Variants in PHF20L1 observed in about 807,000 individuals in gnomAD.
PHF20L1 encodes PHD finger protein 20-like protein 1.
In PHF20L1, 44 loss-of-function variants were observed where a neutral mutation model predicts 125.5. The ratio of observed to expected loss-of-function variants is 0.35; its 90% CI spans 0.28 to 0.45. The LOEUF is 0.45. PHF20L1 is among the 20% of genes least tolerant of loss of function. The pLI is 1.00. For synonymous variants in PHF20L1, 380 were observed against 403.1 expected (o/e 0.94, Z 0.69); for missense variants, 1,012 against 1,217.2 (o/e 0.83, Z 2.51).
intron 15 of PHF20L1, among the ~76,000 whole-genome samples, chr8:132,834,106 G>A (rs576181069): frequency 1.2e-4 from 18 of 152,214 alleles, no homozygotes; most frequent in African/African-American, 4.1e-4. Context: ...CTATTCAAGC[G>A]TAAGGGGGAA....
At chr8:132,815,529 G>T (rs1834876910) in intron 10 of PHF20L1, 1 of 151,762 alleles carries the variant, frequency 6.6e-6, no homozygotes, top group Admixed American at 6.6e-5. Flanking sequence ...TATTAGTTTA[G>T]TATCCTAAGT....
chr8:132,811,806 A>G (rs577831210), intron 9 of PHF20L1: 165 of 984,988 alleles, frequency 1.7e-4, no homozygotes, highest in Non-Finnish European at 1.8e-4. Flanking sequence ...ATAAGAACGC[A>G]GTAATAGCCA....
At chr8:132,837,455 G>C (rs1458479449) in intron 16 of PHF20L1, among the ~76,000 whole-genome samples, 1 of 152,058 alleles carries the variant, frequency 6.6e-6, no homozygotes. Flanking sequence ...AATTAAATTA[G>C]AGAAATTATG....
At chr8:132,813,373 G>A (rs1033707837) in intron 9 of PHF20L1, among the ~76,000 whole-genome samples, 10 of 151,914 alleles carry the variant, frequency 6.6e-5, no homozygotes, top group Non-Finnish European at 1.3e-4. Context: ...CTTTTATGTG[G>A]TATGTCCAAC....
intron 9 of PHF20L1, among the ~76,000 whole-genome samples, 166 bp from the exon 10 acceptor site, chr8:132,814,471 G>A (rs1290370610): frequency 6.6e-6 from 1 of 151,868 alleles, no homozygotes. Context: ...TCAACTTTTA[G>A]TTAATAATTT....
intron 12 of PHF20L1, among the ~76,000 whole-genome samples, chr8:132,820,021 A>G (rs1178611723): frequency 1.3e-5 from 2 of 151,706 alleles, no homozygotes; most frequent in South Asian, 2.1e-4. Flanking sequence ...ATTATATACA[A>G]CTTTTCTTAA....
chr8:132,843,905 C>T, intron 19 of PHF20L1: 4 of 985,228 alleles, frequency 4.1e-6, no homozygotes, highest in Non-Finnish European at 4.8e-6. Context: ...TTATTTAGCG[C>T]ATTTTATTGA....
chr8:132,840,117 G>A (rs1209658067), intron 18 of PHF20L1, among the ~76,000 whole-genome samples: 2 of 152,004 alleles, frequency 1.3e-5, no homozygotes. Flanking sequence ...CTTATTTCCA[G>A]TCCTTCCTAA....
At chr8:132,795,049 T>G (rs1213719206) in intron 4 of PHF20L1, among the ~76,000 whole-genome samples, 2 of 152,170 alleles carry the variant, frequency 1.3e-5, no homozygotes, top group Non-Finnish European at 2.9e-5. Context: ...TTGGTTAAAA[T>G]TTTTCAACTT....
rs117206194 is a variant in PHF20L1 at position 132,830,249 on chromosome 8, C to T, written c.1745-1986C>T. 4.0e-3 allele frequency among the ~76,000 whole-genome samples: 602 copies of T among 152,102 alleles called. 26 individuals are homozygous for T. The East Asian group carries it at 0.1, about 26-fold the overall frequency. On this transcript the variant is annotated intron_variant, in intron 14 of 20. Coordinates refer to ENST00000395386, the MANE Select transcript of PHF20L1 (RefSeq NM_016018.5). ...TCTTTCTCATCTTGTTTCACTCTCACGTCATCTCTTCTGCCTCCATCCTTT... is the reference window on the plus strand; with the variant it reads ...TCTTTCTCATCTTGTTTCACTCTCATGTCATCTCTTCTGCCTCCATCCTTT...
At chr8:132,814,930 G>A in intron 10 of PHF20L1, 41 bp downstream of exon 10, 4 of 1,405,604 alleles carry the variant, frequency 2.8e-6, no homozygotes, top group Non-Finnish European at 2.9e-6. Context: ...TATCCTATAA[G>A]ATACATTAAA....
At chr8:132,806,690 A>G (rs1833745603) in intron 8 of PHF20L1, 1 of 152,032 alleles carries the variant, frequency 6.6e-6, no homozygotes, top group Non-Finnish European at 1.5e-5. Flanking sequence ...AGTAGATTTC[A>G]TTTATAGTTT....
At chr8:132,803,700 TTA>T (rs1268093200) in intron 6 of PHF20L1, 117 bp from the exon 7 acceptor site, 2 of 616,864 alleles carry the variant, frequency 3.2e-6, no homozygotes, top group Non-Finnish European at 5.8e-6. Flanking sequence ...ATCTCTATAT[TTA>T]TGTTTATGTA....
chr8:132,840,274 C>T (rs568236481), intron 18 of PHF20L1, among the ~76,000 whole-genome samples: 1 of 152,218 alleles, frequency 6.6e-6, no homozygotes, highest in South Asian at 2.1e-4. Context: ...CCTCTCCTTC[C>T]CTTCCCATCC....
At chr8:132,804,536 A>T in intron 7 of PHF20L1, 79 bp from the exon 8 acceptor site, 1 of 1,094,960 alleles carries the variant, frequency 9.1e-7, no homozygotes, top group Non-Finnish European at 1.3e-6. Flanking sequence ...AAGCATTTTT[A>T]CTATTTTGCT....
At chr8:132,821,465 C>T (rs1835588099) in intron 12 of PHF20L1, among the ~76,000 whole-genome samples, 1 of 151,932 alleles carries the variant, frequency 6.6e-6, no homozygotes, top group South Asian at 2.1e-4. Context: ...ATTCCAACAT[C>T]TCACATCAAC....
intron 2 of PHF20L1, among the ~76,000 whole-genome samples, chr8:132,782,005 T>A (rs1024699547): frequency 6.6e-6 from 1 of 152,272 alleles, no homozygotes; most frequent in Non-Finnish European, 1.5e-5. Flanking sequence ...ATCATCTGCA[T>A]AAAGACTTTG....
At chr8:132,818,593 A>G (rs1049490229) in intron 12 of PHF20L1, 11 of 151,870 alleles carry the variant, frequency 7.2e-5, no homozygotes, top group Admixed American at 2.0e-4. Context: ...TATCATGTTT[A>G]AAAAAATAAA....
chr8:132,840,168 A>AC (rs1837785516), intron 18 of PHF20L1, among the ~76,000 whole-genome samples: 1 of 152,062 alleles, frequency 6.6e-6, no homozygotes, highest in Admixed American at 6.6e-5. Context: ...AAACAAACAA[A>AC]AACCCACATT....
Sources: allele counts gnomAD v4.1 joint callset (sites outside exome capture counted in the v4.1 genomes callset), GRCh38; gene constraint gnomAD v4.1.1; transcripts MANE v1.5; gene names NCBI Gene and HGNC (gene_info 2026-07-23, HGNC 2026-07-21).